NPLOC4: variants seen among roughly 807,000 people sequenced by gnomAD.
NPLOC4 encodes the protein nuclear protein localization protein 4 homolog.
Under a neutral mutation model 80.6 loss-of-function variants are expected in NPLOC4, and 18 were observed. The observed-to-expected ratio is 0.22, with a 90% confidence interval of 0.15 to 0.33. The LOEUF is 0.33. NPLOC4 is among the 10% of genes least tolerant of loss of function. NPLOC4 has a pLI of 1.00. For missense variants in NPLOC4, 540 were observed against 786.1 expected (o/e 0.69, Z 3.74); for synonymous variants, 313 against 301.5 (o/e 1.04, Z -0.39).
intron 11 of NPLOC4, among the ~76,000 whole-genome samples, chr17:81,589,482 G>A (rs1171027887): frequency 6.6e-6 from 1 of 150,986 alleles, no homozygotes; most frequent in Non-Finnish European, 1.5e-5. Flanking sequence ...AGCTTGCAGT[G>A]AGCCGAGATT....
At chr17:81,611,959 C>CA (rs11401963) in intron 4 of NPLOC4, among the ~76,000 whole-genome samples, 9,049 of 104,120 alleles carry the variant, frequency 0.087, 595 homozygotes, top group African/African-American at 0.2. Context: ...GAGTCCATCT[C>CA]AAAAAAAAAA....
chr17:81,596,651 A>C (rs544247443), intron 10 of NPLOC4, among the ~76,000 whole-genome samples: 1 of 143,746 alleles, frequency 7.0e-6, no homozygotes, highest in East Asian at 1.9e-4. Flanking sequence ...AACCATTACC[A>C]ATTCCTCATC....
chr17:81,570,398 G>A (rs2034129918), intron 13 of NPLOC4, among the ~76,000 whole-genome samples: 1 of 152,242 alleles, frequency 6.6e-6, no homozygotes, highest in Non-Finnish European at 1.5e-5. Flanking sequence ...ACCTCCTGCA[G>A]AGACAAAAGC....
chr17:81,596,505 G>A (rs1465729611), intron 10 of NPLOC4, among the ~76,000 whole-genome samples: 2 of 152,152 alleles, frequency 1.3e-5, no homozygotes, highest in Non-Finnish European at 2.9e-5. Flanking sequence ...GGAGGAAGCT[G>A]TAGTGAGCCG....
At chr17:81,582,287 A>C (rs1161125105) in intron 12 of NPLOC4, among the ~76,000 whole-genome samples, 1 of 152,240 alleles carries the variant, frequency 6.6e-6, no homozygotes, top group African/African-American at 2.4e-5. Flanking sequence ...CCTGCACGTC[A>C]CATCCGTACC....
intron 12 of NPLOC4, among the ~76,000 whole-genome samples, chr17:81,587,116 AATC>A (rs1438804798): frequency 6.6e-6 from 1 of 152,236 alleles, no homozygotes; most frequent in African/African-American, 2.4e-5. Flanking sequence ...TTAGAAAAAA[AATC>A]AATCAATTAA....
At chr17:81,598,693 C>T (rs1863160378) in intron 9 of NPLOC4, among the ~76,000 whole-genome samples, 1 of 152,106 alleles carries the variant, frequency 6.6e-6, no homozygotes, top group Non-Finnish European at 1.5e-5. Context: ...CCTGTGAATT[C>T]CTGCACCAGA....
intron 3 of NPLOC4, among the ~76,000 whole-genome samples, chr17:81,620,316 T>C (rs745724901): frequency 9.9e-5 from 15 of 151,858 alleles, no homozygotes; most frequent in Non-Finnish European, 1.9e-4. Context: ...GCCAACTTAG[T>C]GAAACCCCAC....
Position 81,585,170 on chromosome 17 carries a change from C to CAAAAAAAAAAAAA in NPLOC4, c.1281+3761_1281+3773dup, listed in dbSNP as rs35473939. Among the ~76,000 whole-genome samples the CAAAAAAAAAAAAA allele has an allele frequency of 2.4e-4, 10 of 40,870 alleles. 1 individual carries two copies. Among genetic ancestry groups the CAAAAAAAAAAAAA allele is most frequent in the African/African-American group, 1.2e-3 (9 of 7,622 alleles). 26.8% of individuals were successfully genotyped at this position (40,870 alleles called of 152,430 possible). On this transcript the variant is annotated intron_variant, in intron 12 of 16. Transcript: ENST00000331134. Reference sequence around the variant, plus strand: ...GGGCGACAGAACGAGACTCTGTCGCCAAAAAAAAAAAAAAAAAAAAAAAAA... The same window carrying CAAAAAAAAAAAAA: ...GGGCGACAGAACGAGACTCTGTCGCCAAAAAAAAAAAAAAAAAAAAAAAAAAAAAAAAAAAAAA...
At chr17:81,621,691 A>C (rs1025466779) in intron 3 of NPLOC4, among the ~76,000 whole-genome samples, 1 of 152,072 alleles carries the variant, frequency 6.6e-6, no homozygotes, top group Admixed American at 6.5e-5. Context: ...TTCCAATAAC[A>C]CTTTACAAAA....
Position 81,577,665 on chromosome 17 carries a change from C to T in NPLOC4, c.1282-5577G>A, listed in dbSNP as rs1343900135. Among the ~76,000 whole-genome samples the T allele has an allele frequency of 6.6e-6, 1 of 152,186 alleles. No homozygotes were observed. The highest frequency in any genetic ancestry group is 1.5e-5 in the Non-Finnish European group (1 of 68,024). On this transcript the variant is annotated intron_variant, in intron 12 of 16. Transcript: ENST00000331134. This position sits in a 1 kb window ranked among gnomAD's most constrained non-coding sequence, Gnocchi z 4.3. ...TGAGTCCTGGCAACCGTCTGTCCTG[C>T]TCCATCTTCAAACTCTGCGTGCTGG... is the stretch of plus-strand genomic sequence containing the variant.
At chr17:81,616,123 C>T (rs1031954049) in intron 3 of NPLOC4, among the ~76,000 whole-genome samples, 6 of 151,240 alleles carry the variant, frequency 4.0e-5, no homozygotes, top group Non-Finnish European at 7.4e-5. Context: ...TTGAGACCAT[C>T]CTGGCCAGCA....
rs1555686896 is a variant in NPLOC4, at chr17:81,618,485, T to TC, written c.209+3680_209+3681insG. ...GCAGCCACCCCGTCCGGGAGGAAGG[T>TC]GGGGGGTCAGCGACCCCGCCCGGCC... On this transcript the variant is annotated intron_variant, in intron 3 of 16. Coordinates refer to ENST00000331134, the MANE Select transcript of NPLOC4 (RefSeq NM_017921.4). 4.1e-5 allele frequency among the ~76,000 whole-genome samples: 6 copies of TC among 144,960 alleles called. No individual in the cohort carries two copies. In the East Asian group the frequency reaches 6.3e-4, roughly 15 times the overall value.
intron 13 of NPLOC4, among the ~76,000 whole-genome samples, chr17:81,570,327 T>C (rs1489865897): frequency 6.6e-6 from 1 of 152,248 alleles, no homozygotes; most frequent in African/African-American, 2.4e-5. Flanking sequence ...AGCACGGGGC[T>C]GGTACACATA....
At chr17:81,579,127 C>T (rs972317195) in intron 12 of NPLOC4, among the ~76,000 whole-genome samples, 1 of 152,218 alleles carries the variant, frequency 6.6e-6, no homozygotes, top group African/African-American at 2.4e-5. Context: ...GTAGTTCTAG[C>T]ACTTTGGGAG....
intron 12 of NPLOC4, among the ~76,000 whole-genome samples, chr17:81,575,084 G>C (rs113611088): frequency 1.3e-5 from 2 of 152,160 alleles, no homozygotes; most frequent in Non-Finnish European, 2.9e-5. Context: ...AAAAAACAAA[G>C]CTTTCAGACA....
At chr17:81,574,086 T>C (rs2034229506) in intron 12 of NPLOC4, among the ~76,000 whole-genome samples, 2 of 152,164 alleles carry the variant, frequency 1.3e-5, no homozygotes. Context: ...AAAAATCAAA[T>C]CCAGTCAAAC....
chr17:81,617,623 C>T (rs1397421969), intron 3 of NPLOC4, among the ~76,000 whole-genome samples: 1 of 152,146 alleles, frequency 6.6e-6, no homozygotes, highest in Non-Finnish European at 1.5e-5. Flanking sequence ...TCCTGGCTAA[C>T]ACGGTGAGAT....
At chr17:81,598,630 C>A (rs1002802074) in intron 9 of NPLOC4, among the ~76,000 whole-genome samples, 1 of 152,202 alleles carries the variant, frequency 6.6e-6, no homozygotes, top group African/African-American at 2.4e-5. Context: ...GCAACCCCTG[C>A]ACGTTCAGTG....
Sources: gnomAD v4.1 joint callset for allele counts (sites outside exome capture counted in the v4.1 genomes callset) on GRCh38, gnomAD v4.1.1 for gene constraint, Gnocchi (gnomAD v3.1) non-coding constraint, MANE v1.5 for transcripts, NCBI Gene and HGNC (gene_info 2026-07-23, HGNC 2026-07-21) for gene names.